RALYL: variants seen among roughly 807,000 people sequenced by gnomAD.
RALYL encodes RNA-binding Raly-like protein.
RALYL carries 29 observed loss-of-function variants against 35.1 expected under a neutral mutation model. The ratio of observed to expected loss-of-function variants is 0.83; its 90% confidence interval spans 0.61 to 1.13. The LOEUF (loss-of-function observed/expected upper bound fraction) is 1.13. RALYL is among the 50% of genes most tolerant of loss of function. The pLI is 0.00. For synonymous variants in RALYL, 120 were observed against 127.6 expected, an observed-to-expected ratio of 0.94 and a Z score of 0.40; for missense variants, 359 against 360.4, an observed-to-expected ratio of 1.00 and a Z score of 0.03.
chr8:84,886,703 C>T (rs1842964084), intron 7 of RALYL, among the ~76,000 whole-genome samples: 2 of 152,156 alleles, frequency 1.3e-5, no homozygotes, highest in Admixed American at 6.6e-5. Context: ...AATTACGATG[C>T]TGTCAGCACA....
At chr8:84,707,250 A>G (rs1328740594) in intron 2 of RALYL, among the ~76,000 whole-genome samples, 2 of 152,172 alleles carry the variant, frequency 1.3e-5, no homozygotes, top group African/African-American at 2.4e-5. Context: ...CTTGTGATAA[A>G]GAAACAATAT....
chr8:84,591,534 C>T (rs934064474), intron 2 of RALYL, among the ~76,000 whole-genome samples: 1 of 152,132 alleles, frequency 6.6e-6, no homozygotes, highest in Non-Finnish European at 1.5e-5. Flanking sequence ...ATAGTAAGCA[C>T]ACTTTCCCTC....
chr8:84,515,465 C>A (rs1442717199), intron 1 of RALYL, among the ~76,000 whole-genome samples: 2 of 152,182 alleles, frequency 1.3e-5, no homozygotes, highest in Non-Finnish European at 2.9e-5. Flanking sequence ...CAATGTGGTT[C>A]CTAAAATTTG....
chr8:84,412,472 T>A (rs1452867293), intron 1 of RALYL, among the ~76,000 whole-genome samples: 5 of 151,916 alleles, frequency 3.3e-5, no homozygotes, highest in Admixed American at 2.6e-4. Flanking sequence ...AAGCAGGACA[T>A]TTTTTGGTCT....
intron 7 of RALYL, among the ~76,000 whole-genome samples, chr8:84,876,430 G>A (rs1036621597): frequency 2.6e-5 from 4 of 152,120 alleles, no homozygotes; most frequent in Admixed American, 6.5e-5. Context: ...AAATCAGTTC[G>A]GCCAGCAATT....
At chr8:84,583,358 T>C (rs891054383) in intron 2 of RALYL, among the ~76,000 whole-genome samples, 4 of 152,138 alleles carry the variant, frequency 2.6e-5, no homozygotes, top group African/African-American at 7.2e-5. Context: ...TTCACTTTGA[T>C]AAAAAATGGA....
chr8:84,607,271 T>C (rs961992254), intron 2 of RALYL, among the ~76,000 whole-genome samples: 1 of 152,102 alleles, frequency 6.6e-6, no homozygotes, highest in Admixed American at 6.5e-5. Context: ...CTTCATTTCA[T>C]TTTGACCCTC....
intron 2 of RALYL, among the ~76,000 whole-genome samples, chr8:84,657,240 A>G (rs1003674585): frequency 5.3e-5 from 8 of 152,130 alleles, no homozygotes; most frequent in African/African-American, 1.9e-4. Context: ...CCGTTTAAAA[A>G]CCATCCGGAA....
chr8:84,541,993 G>A (rs1258016839), intron 2 of RALYL, among the ~76,000 whole-genome samples: 1 of 151,882 alleles, frequency 6.6e-6, no homozygotes, highest in African/African-American at 2.4e-5. Flanking sequence ...AATACAGTAG[G>A]ACAACCTTTG....
chr8:84,815,374 C>A (rs367904497), intron 4 of RALYL, among the ~76,000 whole-genome samples: 1 of 147,486 alleles, frequency 6.8e-6, no homozygotes, highest in Non-Finnish European at 1.5e-5. Flanking sequence ...TTAATATTTT[C>A]TATTTTAAAC....
At chr8:84,809,300 G>T (rs960641648) in intron 4 of RALYL, among the ~76,000 whole-genome samples, 2 of 152,126 alleles carry the variant, frequency 1.3e-5, no homozygotes, top group Admixed American at 6.6e-5. Context: ...ACTTGCATAT[G>T]TTAAACCATC....
At chr8:84,552,957 G>T (rs540288959) in intron 2 of RALYL, among the ~76,000 whole-genome samples, 1 of 152,156 alleles carries the variant, frequency 6.6e-6, no homozygotes, top group South Asian at 2.1e-4. Flanking sequence ...GGTTGAATGG[G>T]CGCAAGGAGG....
intron 2 of RALYL, among the ~76,000 whole-genome samples, chr8:84,547,439 C>T (rs987267903): frequency 7.9e-5 from 12 of 151,528 alleles, no homozygotes; most frequent in Non-Finnish European, 1.3e-4. Context: ...TGCAGTGATG[C>T]GATCTCAGCT....
chr8:84,198,374 T>A (rs1815950485), intron 1 of RALYL, among the ~76,000 whole-genome samples: 1 of 152,170 alleles, frequency 6.6e-6, no homozygotes, highest in Admixed American at 6.5e-5. Context: ...ATTAATTTTT[T>A]ATTTTGTGGG....
chr8:84,717,582 G>A (rs1488935257), intron 2 of RALYL, among the ~76,000 whole-genome samples: 1 of 152,106 alleles, frequency 6.6e-6, no homozygotes, highest in African/African-American at 2.4e-5. Flanking sequence ...TTAGGAATAG[G>A]CTGCAAGGTG....
chr8:84,523,663 C>G (rs1246485369), intron 1 of RALYL, among the ~76,000 whole-genome samples: 2 of 109,330 alleles, frequency 1.8e-5, no homozygotes, highest in African/African-American at 3.5e-5. Flanking sequence ...TATCCCTCCC[C>G]CCTCCCCCCA....
intron 4 of RALYL, among the ~76,000 whole-genome samples, chr8:84,832,597 G>A (rs573937691): frequency 3.3e-5 from 5 of 152,228 alleles, no homozygotes; most frequent in African/African-American, 1.2e-4. Flanking sequence ...CTAGTACTAA[G>A]GGAAAGTGAG....
chr8:84,755,216 A>C (rs1811084795), intron 2 of RALYL, among the ~76,000 whole-genome samples: 3 of 152,198 alleles, frequency 2.0e-5, no homozygotes, highest in Non-Finnish European at 4.4e-5. Context: ...GGCCCATCAG[A>C]TAAAGAAGCA....
At chr8:84,832,281 T>A (rs2134406151) in intron 4 of RALYL, among the ~76,000 whole-genome samples, 1 of 152,272 alleles carries the variant, frequency 6.6e-6, no homozygotes, top group Non-Finnish European at 1.5e-5. Flanking sequence ...TTAATTTGTT[T>A]TTGTTCCAGA....
Sources: gnomAD v4.1 joint callset for allele counts (sites outside exome capture counted in the v4.1 genomes callset) on GRCh38, gnomAD v4.1.1 for gene constraint, MANE v1.5 for transcripts, NCBI Gene and HGNC (gene_info 2026-07-23, HGNC 2026-07-21) for gene names.